ABR: variants seen among roughly 807,000 people sequenced by gnomAD.
ABR encodes the protein ABR activator of RhoGEF and GTPase.
ABR carries 35 observed loss-of-function variants against 107.2 expected under a neutral mutation model. The ratio of observed to expected loss-of-function variants is 0.33; its 90% CI spans 0.25 to 0.43. ABR has a LOEUF of 0.43. ABR is among the 20% of genes least tolerant of loss of function. The probability of loss-of-function intolerance (pLI) is 1.00; values close to 1 mark genes in which losing one functional copy is unlikely to be tolerated. For synonymous variants in ABR, 498 were observed against 462.0 expected (o/e 1.08, Z -1.00); for missense variants, 815 against 1,115.2 (o/e 0.73, Z 3.83).
Position 1,157,627 on chromosome 17 carries a change from G to A in ABR, c.61+22040C>T, listed in dbSNP as rs1261160807. 6.6e-6 allele frequency among the ~76,000 whole-genome samples: 1 copy of A among 152,250 alleles called. No homozygotes were observed. The highest frequency in any genetic ancestry group is 2.4e-5 in the African/African-American group (1 of 41,474). ...GCCATGAGAAGCAGCAACTACAAGG[G>A]AAGAGCCGCTGCTGGAACACGCCCA... On this transcript the variant is annotated intron_variant, in intron 1 of 22. Transcript: ENST00000302538. This position sits in a 1 kb window ranked among gnomAD's most constrained non-coding sequence, Gnocchi z 4.7.
intron 1 of ABR, among the ~76,000 whole-genome samples, chr17:1,127,404 A>C (rs564365368): frequency 2.6e-4 from 39 of 152,154 alleles, no homozygotes; most frequent in Non-Finnish European, 5.3e-4. Flanking sequence ...GGAGACCATG[A>C]CACTTGTGTC....
rs542022362 is a variant in ABR, at chr17:1,212,757, C to T, written c.838+16036G>A. On this transcript the variant is annotated intron_variant, in intron 1 of 22. Transcript: ENST00000574139. Reference sequence around the variant, plus strand: ...GTACAAAATTAGCCAAGTGTGGTGGCGGACGCCTGTAATCTCAGCTACTTG... The same window carrying T: ...GTACAAAATTAGCCAAGTGTGGTGGTGGACGCCTGTAATCTCAGCTACTTG... Among the ~76,000 whole-genome samples the T allele has an allele frequency of 7.9e-5, 12 of 152,204 alleles. No individual in the cohort carries two copies. In the South Asian group the frequency reaches 2.1e-3, roughly 26 times the overall value.
chr17:1,035,669 C>CTGGATA (rs970154860), intron 16 of ABR, among the ~76,000 whole-genome samples: 3 of 68,858 alleles, frequency 4.4e-5, no homozygotes, highest in African/African-American at 2.0e-4. Flanking sequence ...AGACGACCTG[C>CTGGATA]AAGACTCCCC....
intron 1 of ABR, among the ~76,000 whole-genome samples, chr17:1,127,709 A>ACT: frequency 6.6e-6 from 1 of 151,824 alleles, no homozygotes; most frequent in East Asian, 1.9e-4. Flanking sequence ...GGCCAAGCAG[A>ACT]CTCTCCTGTA....
chr17:1,216,710 A>G (rs1190881109), intron 1 of ABR, among the ~76,000 whole-genome samples: 2 of 152,158 alleles, frequency 1.3e-5, no homozygotes, highest in African/African-American at 4.8e-5. Context: ...AGCTGTCTCT[A>G]AGGACTGCGC....
At chr17:1,199,862 A>T (rs1349637992) in intron 1 of ABR, among the ~76,000 whole-genome samples, 1 of 152,104 alleles carries the variant, frequency 6.6e-6, no homozygotes, top group Admixed American at 6.5e-5. Flanking sequence ...TGACCCATAA[A>T]ATACACCACC....
chr17:1,163,273 T>C (rs1410043927), intron 1 of ABR, among the ~76,000 whole-genome samples: 1 of 152,224 alleles, frequency 6.6e-6, no homozygotes, highest in Non-Finnish European at 1.5e-5. Flanking sequence ...CCACTCTGCA[T>C]CAATCGCATC....
intron 1 of ABR, among the ~76,000 whole-genome samples, chr17:1,211,911 T>A (rs2042910173): frequency 6.6e-6 from 1 of 151,466 alleles, no homozygotes; most frequent in South Asian, 2.1e-4. Flanking sequence ...TGAAACCCCG[T>A]CTCTACTAAA....
At chr17:1,031,621 G>A (rs903489505) in intron 16 of ABR, 2 of 1,233,494 alleles carry the variant, frequency 1.6e-6, no homozygotes, top group Non-Finnish European at 2.0e-6. Context: ...AGCTTGTTGC[G>A]CACGCGGCCC....
chr17:1,226,860 G>C (rs2150773099), intron 1 of ABR, among the ~76,000 whole-genome samples: 2 of 152,288 alleles, frequency 1.3e-5, no homozygotes, highest in South Asian at 4.1e-4. Context: ...GTATATACAT[G>C]TGCTGCTATG....
chr17:1,182,590 TCTC>T (rs756371166), upstream of ABR, among the ~76,000 whole-genome samples: 1 of 152,078 alleles, frequency 6.6e-6, no homozygotes, highest in Middle Eastern at 3.2e-3. Context: ...ATGATCTTGA[TCTC>T]CTGACCTCGT....
chr17:1,146,506 C>T (rs922341756), intron 1 of ABR, among the ~76,000 whole-genome samples: 14 of 152,124 alleles, frequency 9.2e-5, no homozygotes, highest in African/African-American at 2.9e-4. Flanking sequence ...CAGCACAGTG[C>T]GGGGCACATG....
intron 16 of ABR, among the ~76,000 whole-genome samples, chr17:1,016,317 C>CT (rs151002591): frequency 0.17 from 23,380 of 134,868 alleles, 2,493 homozygotes; most frequent in Admixed American, 0.29. Flanking sequence ...CCCAACGTTT[C>CT]TTTTTTTTTT....
chr17:1,215,568 T>G (rs12944616), intron 1 of ABR, among the ~76,000 whole-genome samples: 4,299 of 152,174 alleles, frequency 0.028, 111 homozygotes, highest in Non-Finnish European at 0.038. Flanking sequence ...TGGAGTGCAG[T>G]GGCGTGATCT....
At chr17:1,012,173 C>G in intron 18 of ABR, 188 bp from the exon 19 acceptor site, 3 of 916,882 alleles carry the variant, frequency 3.3e-6, no homozygotes, top group East Asian at 2.6e-5. Flanking sequence ...CGAGGCCTGC[C>G]GAAGGGGCAT....
intron 2 of ABR, chr17:1,108,821 C>G (rs2151384238): frequency 4.8e-6 from 4 of 840,640 alleles, no homozygotes; most frequent in Non-Finnish European, 6.5e-6. Context: ...GACCCTCCGC[C>G]GAGGGCTTCC....
At chr17:1,072,856 A>G in intron 7 of ABR, 102 bp from the exon 8 acceptor site, 1 of 1,429,838 alleles carries the variant, frequency 7.0e-7, no homozygotes, top group Non-Finnish European at 9.3e-7. Flanking sequence ...GCACTCAGGG[A>G]CCTGCCTAAT....
rs1040365415 is a variant in ABR, at chr17:1,007,332, G to A, written c.2343-20C>T. On this transcript the variant is annotated intron_variant, in intron 21 of 22. Transcript: ENST00000302538. The stretch of plus-strand genomic sequence containing the variant: ...GCAACCCTAAGAAGGAGAAGATGGG[G>A]AGGAAAGAAGCCCTTCCTCAGCAGC... 6.2e-7 allele frequency: 1 copy of A among 1,613,708 alleles called. No individual in the cohort carries two copies. Among genetic ancestry groups the A allele is most frequent in the South Asian group, 1.1e-5 (1 of 91,060 alleles).
chr17:1,188,317 G>A (rs942494365), upstream of ABR, among the ~76,000 whole-genome samples: 16 of 152,062 alleles, frequency 1.1e-4, no homozygotes, highest in African/African-American at 1.2e-4. Flanking sequence ...TTGGGAGGCC[G>A]AGGCGGGCAG....
Sources: gnomAD v4.1 joint callset for allele counts (sites outside exome capture counted in the v4.1 genomes callset) on GRCh38, gnomAD v4.1.1 for gene constraint, Gnocchi (gnomAD v3.1) non-coding constraint, MANE v1.5 for transcripts, NCBI Gene and HGNC (gene_info 2026-07-23, HGNC 2026-07-21) for gene names.